Variants in BLM observed in about 807,000 individuals in gnomAD.
BLM encodes the protein recQ-like DNA helicase BLM.
Under a neutral mutation model 135.3 loss-of-function variants are expected in BLM, and 95 were observed. That is an observed-to-expected ratio of 0.70 (90% CI 0.59 to 0.83). The LOEUF (loss-of-function observed/expected upper bound fraction) is 0.83. Ranked by LOEUF, BLM falls within the 40% of genes least tolerant of loss-of-function variation. The pLI is 0.00. For synonymous variants in BLM, 520 were observed against 589.2 expected (o/e 0.88, Z 1.70); for missense variants, 1,518 against 1,663.9 (o/e 0.91, Z 1.53).
intron 1 of BLM, among the ~76,000 whole-genome samples, chr15:90,737,439 T>G (rs12898228): frequency 0.27 from 40,320 of 151,996 alleles, 5,475 homozygotes; most frequent in East Asian, 0.44. Flanking sequence ...TAAAGATTTT[T>G]CCTCATTAAA....
chr15:90,755,120 G>T, intron 5 of BLM, 182 bp downstream of exon 5: 1 of 707,014 alleles, frequency 1.4e-6, no homozygotes, highest in South Asian at 1.9e-5. Context: ...AACAACTCAT[G>T]AACTCATGCT....
At chr15:90,763,239 C>T (rs2151160931) in intron 8 of BLM, 82 bp downstream of exon 8, 3 of 1,410,282 alleles carry the variant, frequency 2.1e-6, no homozygotes, top group Admixed American at 1.7e-5. Flanking sequence ...AAAAAGACCA[C>T]CTACACAGTA....
At position 90,798,354 on chromosome 15, in the gene BLM, G is replaced by C; in HGVS notation, c.3358+17G>C. On this transcript the variant is annotated intron_variant, in intron 17 of 21. Coordinates refer to ENST00000355112, the MANE Select transcript of BLM (RefSeq NM_000057.4). ...TTTTCTTGGGTAAGTCATCTGTTTT[G>C]AATGTTTGAGTTACTTCAATTGAAA... The C allele has an allele frequency of 6.2e-7, 1 of 1,610,842 alleles. No homozygotes were observed. Among genetic ancestry groups the C allele is most frequent in the Non-Finnish European group, 8.5e-7 (1 of 1,178,284 alleles).
At chr15:90,777,992 C>T (rs1443459893) in intron 12 of BLM, among the ~76,000 whole-genome samples, 1 of 152,150 alleles carries the variant, frequency 6.6e-6, no homozygotes, top group Non-Finnish European at 1.5e-5. Context: ...TTTTATTTAT[C>T]CATTTATCAA....
At chr15:90,809,776 T>A (rs573787380) in intron 20 of BLM, among the ~76,000 whole-genome samples, 26 of 152,340 alleles carry the variant, frequency 1.7e-4, no homozygotes, top group Non-Finnish European at 2.8e-4. Context: ...TATCAGACGT[T>A]CCCGGAGTCA....
At chr15:90,744,796 T>A (rs1351268460) in intron 1 of BLM, among the ~76,000 whole-genome samples, 1 of 151,168 alleles carries the variant, frequency 6.6e-6, no homozygotes, top group Non-Finnish European at 1.5e-5. Flanking sequence ...ACACCTGCAA[T>A]CCCAGCACTT....
At chr15:90,811,176 C>T (rs749473525) in intron 20 of BLM, 29 bp from the exon 21 acceptor site, 3 of 1,610,336 alleles carry the variant, frequency 1.9e-6, no homozygotes, top group African/African-American at 1.3e-5. Context: ...GCGACATCAC[C>T]TGTAAACATC....
chr15:90,810,221 T>A (rs1897379552), intron 20 of BLM, among the ~76,000 whole-genome samples: 2 of 151,952 alleles, frequency 1.3e-5, no homozygotes, highest in Admixed American at 6.6e-5. Context: ...CCTGACTTAT[T>A]TTTGTATTTT....
chr15:90,752,054 A>G, intron 4 of BLM, 108 bp downstream of exon 4: 1 of 1,093,200 alleles, frequency 9.1e-7, no homozygotes, highest in Non-Finnish European at 1.3e-6. Context: ...TGCTTTCTAC[A>G]ATTATTTTAC....
intron 12 of BLM, among the ~76,000 whole-genome samples, chr15:90,777,735 T>G (rs1896517258): frequency 6.6e-6 from 1 of 152,236 alleles, no homozygotes; most frequent in Admixed American, 6.5e-5. Flanking sequence ...TTTAGTGGGT[T>G]GCTTTTTTTC....
In BLM at chr15:90,798,260, C is replaced by A. The variant is rs1472603091; in HGVS notation, c.3281C>A (p.Ser1094Ter). Residue 1094 changes from serine to a stop codon, truncating the protein, a stop_gained, in exon 17 of 22, where the codon TCA becomes TAA. Coordinates refer to ENST00000355112, the MANE Select transcript of BLM (RefSeq NM_000057.4). LOFTEE classifies it high-confidence loss of function. ...IVRFVQEHSS[S>*]QGMRNIKHVG... ...AGATTTGTTCAAGAACATAGTTCAT[C>A]ACAAGGAATGAGAAATATAAAACAT... 1 of 1,611,484 alleles carries A rather than the reference C, an allele frequency of 6.2e-7. No homozygotes were observed. Among genetic ancestry groups the A allele is most frequent in the African/African-American group, 1.3e-5 (1 of 74,836 alleles).
Position 90,760,809 on chromosome 15 carries a change from T to C in BLM, c.1436T>C (p.Phe479Ser). The change falls in exon 7 of 22, where the codon TTC (phenylalanine) becomes TCC (serine). Residue 479 changes from phenylalanine to serine, a missense_variant. Coordinates refer to ENST00000355112, the MANE Select transcript of BLM (RefSeq NM_000057.4). The part of the protein sequence containing the change: ...LLTTTLGKTG[F>S]SATRKNLFER... ...ACTACCACCCTAGGAAAGACAGGAT[T>C]CTCTGCCACCAGGAAGAATCTTTTT... The C allele has an allele frequency of 6.2e-7, 1 of 1,614,040 alleles. No individual in the cohort carries two copies. Among genetic ancestry groups the C allele is most frequent in the South Asian group, 1.1e-5 (1 of 91,084 alleles).
intron 10 of BLM, among the ~76,000 whole-genome samples, chr15:90,767,352 C>T (rs1361649983): frequency 6.6e-6 from 1 of 152,204 alleles, no homozygotes; most frequent in Non-Finnish European, 1.5e-5. Flanking sequence ...AGTACTATTA[C>T]TTAATCTGTA....
chr15:90,735,868 A>C (rs1003363987), intron 1 of BLM, among the ~76,000 whole-genome samples: 1 of 152,188 alleles, frequency 6.6e-6, no homozygotes, highest in African/African-American at 2.4e-5. Flanking sequence ...GAAACCAGGA[A>C]AAAAATCTGC....
In BLM at chr15:90,790,736, G is replaced by A. The variant is rs2151184569; in HGVS notation, c.2911G>A (p.Glu971Lys). Residue 971 changes from glutamate to lysine, a missense_variant, in exon 15 of 22, where the codon GAG (glutamate) becomes AAG (lysine). Physicochemically the swap from Glu to Lys is moderately conservative, Grantham distance 56 (BLOSUM62 1). Around this residue, in one of 5 missense-constraint regions of BLM, gnomAD observed 626 missense variants for 681.1 expected, o/e 0.92. Coordinates refer to ENST00000355112, the MANE Select transcript of BLM (RefSeq NM_000057.4). The part of the protein sequence containing the change: ...VIHASLPKSV[E>K]GYYQESGRAG... ...TCATGCATCTCTCCCTAAATCTGTG[G>A]AGGGTTACTACCAAGAATCTGGCAG... 1.2e-6 allele frequency: 2 copies of A among 1,614,156 alleles called. No homozygotes were observed. Among genetic ancestry groups the A allele is most frequent in the Non-Finnish European group, 1.7e-6 (2 of 1,180,004 alleles).
Position 90,785,135 on chromosome 15 carries a change from C to G in BLM, c.2823+54C>G, listed in dbSNP as rs1193842449. On this transcript the variant is annotated intron_variant, in intron 14 of 21. Transcript: ENST00000355112. ...AGAAATAATCTTTTATAGCATATAA[C>G]CAAACATGCACATGTAGAATGCAAA... 4.5e-6 allele frequency: 7 copies of G among 1,543,360 alleles called. No individual in the cohort carries two copies. The East Asian group carries it at 1.4e-4, about 32-fold the overall frequency.
rs1273104955 is a variant in BLM, at chr15:90,760,734, A to AT, written c.1366dup (p.Ser456PhefsTer33). The AT allele has an allele frequency of 6.2e-7, 1 of 1,613,920 alleles. No individual in the cohort carries two copies. The highest frequency in any genetic ancestry group is 8.5e-7 in the Non-Finnish European group (1 of 1,179,996). ...ACAGGGAATTCTATGAAGGAGTTAAATTTTTCACACCTTCCCTCAAATTCT... is the reference window on the plus strand; with the variant it reads ...ACAGGGAATTCTATGAAGGAGTTAAATTTTTTCACACCTTCCCTCAAATTCT... On this transcript the variant is annotated frameshift_variant, in exon 7 of 22. Transcript: ENST00000355112. LOFTEE classifies it high-confidence loss of function.
intron 1 of BLM, among the ~76,000 whole-genome samples, chr15:90,724,196 A>G (rs1187884089): frequency 2.0e-5 from 3 of 151,578 alleles, no homozygotes; most frequent in African/African-American, 4.9e-5. Context: ...TATTTTTTGT[A>G]GATACTGGGT....
chr15:90,805,250 T>C (rs1418538045), intron 19 of BLM, among the ~76,000 whole-genome samples: 1 of 126,762 alleles, frequency 7.9e-6, no homozygotes, highest in Non-Finnish European at 1.8e-5. Flanking sequence ...TATGGTATAA[T>C]GGTACCCTAT....
Sources: gnomAD v4.1 joint callset for allele counts (sites outside exome capture counted in the v4.1 genomes callset) on GRCh38, gnomAD v4.1.1 for gene constraint, gnomAD v4.1.1 regional missense constraint, MANE v1.5 for transcripts, NCBI Gene and HGNC (gene_info 2026-07-23, HGNC 2026-07-21) for gene names.